The following DGKI variants were observed in gnomAD, a reference collection of about 807,000 sequenced individuals.
DGKI encodes DAG kinase iota.
In DGKI, 55 loss-of-function variants were observed where a neutral mutation model predicts 147.5. That is an observed-to-expected ratio of 0.37 (90% CI 0.30 to 0.47). The LOEUF is 0.47. DGKI is among the 20% of genes least tolerant of loss of function. DGKI has a pLI of 1.00. For synonymous variants in DGKI, 469 were observed against 477.1 expected, an observed-to-expected ratio of 0.98 and a Z score of 0.22; for missense variants, 1,007 against 1,323.8, an observed-to-expected ratio of 0.76 and a Z score of 3.71.
chr7:137,498,769 T>C (rs943065707), intron 21 of DGKI, among the ~76,000 whole-genome samples: 2 of 152,078 alleles, frequency 1.3e-5, no homozygotes, highest in Admixed American at 1.3e-4. Context: ...TACGAATGAG[T>C]GTTATATAAA....
chr7:137,574,049 C>T (rs1483549549), intron 17 of DGKI, among the ~76,000 whole-genome samples: 1 of 152,102 alleles, frequency 6.6e-6, no homozygotes, highest in Non-Finnish European at 1.5e-5. Flanking sequence ...GCAAAGCATC[C>T]CCAAGCTCCC....
chr7:137,834,767 T>C (rs752643220), intron 1 of DGKI, among the ~76,000 whole-genome samples: 3 of 152,214 alleles, frequency 2.0e-5, no homozygotes, highest in Non-Finnish European at 2.9e-5. Flanking sequence ...GTTTGGCAAA[T>C]TACAACAGAG....
chr7:137,765,462 T>C (rs1795988331), intron 1 of DGKI, among the ~76,000 whole-genome samples: 1 of 152,360 alleles, frequency 6.6e-6, no homozygotes, highest in East Asian at 1.9e-4. Context: ...ACAAATTTGA[T>C]GAGCACACTT....
intron 2 of DGKI, 75 bp from the exon 3 acceptor site, chr7:137,678,727 G>T (rs1823126905): frequency 4.4e-6 from 6 of 1,354,992 alleles, no homozygotes; most frequent in African/African-American, 2.9e-5. Flanking sequence ...ATTTAGATTT[G>T]GGATACAAGA....
intron 1 of DGKI, among the ~76,000 whole-genome samples, chr7:137,694,957 T>C (rs766597227): frequency 6.6e-6 from 1 of 152,240 alleles, no homozygotes; most frequent in African/African-American, 2.4e-5. Context: ...TTGATTATTT[T>C]AATGTACATT....
At chr7:137,549,418 A>G (rs1817972444) in intron 20 of DGKI, among the ~76,000 whole-genome samples, 1 of 152,174 alleles carries the variant, frequency 6.6e-6, no homozygotes, top group Admixed American at 6.5e-5. Flanking sequence ...CGAATATCCA[A>G]TTAACATGCT....
At chr7:137,784,515 T>TA (rs1038675550) in intron 1 of DGKI, among the ~76,000 whole-genome samples, 53 of 151,946 alleles carry the variant, frequency 3.5e-4, no homozygotes, top group African/African-American at 1.1e-3. Context: ...GATGGCAATA[T>TA]AATAATAGTG....
At chr7:137,828,605 C>A (rs1798130140) in intron 1 of DGKI, among the ~76,000 whole-genome samples, 1 of 152,196 alleles carries the variant, frequency 6.6e-6, no homozygotes, top group Non-Finnish European at 1.5e-5. Context: ...TCACTCCCTT[C>A]AGCAGAGAAT....
intron 1 of DGKI, among the ~76,000 whole-genome samples, chr7:137,829,943 C>T (rs1798170490): frequency 6.6e-6 from 1 of 151,918 alleles, no homozygotes. Flanking sequence ...GTAAATAGAA[C>T]TTAAGAGAGA....
At chr7:137,761,066 G>C (rs576115852) in intron 1 of DGKI, among the ~76,000 whole-genome samples, 2 of 152,184 alleles carry the variant, frequency 1.3e-5, no homozygotes, top group East Asian at 3.9e-4. Flanking sequence ...TAGTTGGCCC[G>C]TATTACCCTT....
intron 10 of DGKI, among the ~76,000 whole-genome samples, chr7:137,605,572 G>A (rs1164514154): frequency 6.6e-6 from 1 of 152,002 alleles, no homozygotes; most frequent in South Asian, 2.1e-4. Context: ...TTCATCAGTG[G>A]AAGAATGGAT....
intron 2 of DGKI, among the ~76,000 whole-genome samples, chr7:137,685,820 G>T (rs993671213): frequency 1.3e-5 from 2 of 152,146 alleles, no homozygotes; most frequent in African/African-American, 4.8e-5. Flanking sequence ...AATTAGGAAG[G>T]AAATTTAAAG....
intron 1 of DGKI, among the ~76,000 whole-genome samples, chr7:137,784,566 C>A (rs149421189): frequency 6.6e-6 from 1 of 152,072 alleles, no homozygotes; most frequent in Admixed American, 6.5e-5. Flanking sequence ...GACAGGTCAT[C>A]AAGATCGAAA....
chr7:137,665,994 C>G (rs1049544258), intron 3 of DGKI, among the ~76,000 whole-genome samples: 3 of 152,122 alleles, frequency 2.0e-5, no homozygotes, highest in Non-Finnish European at 4.4e-5. Flanking sequence ...TCAAAGCTAA[C>G]GTTCATGACT....
At chr7:137,530,946 G>C (rs1817317262) in intron 20 of DGKI, among the ~76,000 whole-genome samples, 1 of 152,074 alleles carries the variant, frequency 6.6e-6, no homozygotes, top group South Asian at 2.1e-4. Context: ...GCAAATTTAA[G>C]TCTTACGAAG....
intron 1 of DGKI, among the ~76,000 whole-genome samples, chr7:137,817,529 T>C (rs572950679): frequency 1.3e-5 from 2 of 152,350 alleles, no homozygotes; most frequent in South Asian, 2.1e-4. Flanking sequence ...ACTTTTCTTA[T>C]GTGTATAGAA....
At chr7:137,474,956 T>C (rs935834599) in intron 23 of DGKI, among the ~76,000 whole-genome samples, 3 of 152,142 alleles carry the variant, frequency 2.0e-5, no homozygotes, top group African/African-American at 4.8e-5. Context: ...AAGGGTTCTT[T>C]TGAGGAATTA....
At chr7:137,575,251 A>G (rs1818931178) in intron 17 of DGKI, among the ~76,000 whole-genome samples, 1 of 152,218 alleles carries the variant, frequency 6.6e-6, no homozygotes. Context: ...GATATAATTT[A>G]TATAAACATT....
At chr7:137,841,034 C>A (rs1001332599) in intron 1 of DGKI, among the ~76,000 whole-genome samples, 1 of 152,250 alleles carries the variant, frequency 6.6e-6, no homozygotes, top group Non-Finnish European at 1.5e-5. Context: ...ATTTTAGAAA[C>A]ACATTGGCTG....
Sources: allele counts gnomAD v4.1 joint callset (sites outside exome capture counted in the v4.1 genomes callset), GRCh38; gene constraint gnomAD v4.1.1; transcripts MANE v1.5; gene names NCBI Gene and HGNC (gene_info 2026-07-23, HGNC 2026-07-21).